SEC63: variants seen among roughly 807,000 people sequenced by gnomAD.
SEC63 encodes SEC63 protein translocation regulator.
A neutral mutation model predicts 116.2 loss-of-function variants in SEC63; 56 were observed. The ratio of observed to expected loss-of-function variants is 0.48; its 90% CI spans 0.39 to 0.60. The LOEUF is 0.60. SEC63 is among the 20% of genes least tolerant of loss of function. The pLI, the probability that SEC63 is intolerant of heterozygous loss-of-function variation, is 0.00. For missense variants in SEC63, 668 were observed against 900.0 expected (o/e 0.74, Z 3.30); for synonymous variants, 273 against 294.6 (o/e 0.93, Z 0.75).
At chr6:107,933,162 C>G (rs977282834) in intron 1 of SEC63, among the ~76,000 whole-genome samples, 1 of 151,852 alleles carries the variant, frequency 6.6e-6, no homozygotes, top group African/African-American at 2.4e-5. Flanking sequence ...GGAAGGGCCA[C>G]AAGCTAAAAA....
rs371469040 is a variant in SEC63, at chr6:107,935,762, C to G, written c.125-6248G>C. ...TATGACCCTGCCAACTCCCCCTCTG[C>G]GAGAAACACCCAAGAATGATCAATT... On this transcript the variant is annotated intron_variant, in intron 1 of 20. Transcript: ENST00000369002. Among the ~76,000 whole-genome samples, 622 of 150,816 alleles carry G rather than the reference C, an allele frequency of 4.1e-3. 3 individuals carry two copies. Among genetic ancestry groups the G allele is most frequent in the African/African-American group, 0.014 (583 of 40,960 alleles).
At chr6:107,938,818 G>C (rs1421129922) in intron 1 of SEC63, among the ~76,000 whole-genome samples, 1 of 152,136 alleles carries the variant, frequency 6.6e-6, no homozygotes, top group Non-Finnish European at 1.5e-5. Context: ...GCCTCCCAAA[G>C]TGCTGGGATT....
chr6:107,908,206 A>AT (rs1341320156), intron 8 of SEC63, among the ~76,000 whole-genome samples: 5 of 151,406 alleles, frequency 3.3e-5, no homozygotes, highest in East Asian at 1.9e-4. Context: ...CTTTTATTTT[A>AT]TTTTTTTTTA....
intron 1 of SEC63, among the ~76,000 whole-genome samples, chr6:107,941,602 T>C (rs996602919): frequency 3.9e-5 from 6 of 152,122 alleles, no homozygotes; most frequent in African/African-American, 1.2e-4. Flanking sequence ...ATTAATACCA[T>C]TGTAGTATCC....
intron 2 of SEC63, among the ~76,000 whole-genome samples, chr6:107,929,018 A>C (rs1216957783): frequency 6.6e-6 from 1 of 152,250 alleles, no homozygotes; most frequent in Non-Finnish European, 1.5e-5. Context: ...ATAAAGCCCT[A>C]GCACAGATTC....
intron 18 of SEC63, among the ~76,000 whole-genome samples, chr6:107,878,411 T>C (rs1034646527): frequency 3.9e-5 from 6 of 152,258 alleles, no homozygotes; most frequent in Admixed American, 3.9e-4. Context: ...TAAGTCATTT[T>C]GACATTTGTC....
At chr6:107,953,731 T>C (rs1215467229) in intron 1 of SEC63, among the ~76,000 whole-genome samples, 36 of 130,380 alleles carry the variant, frequency 2.8e-4, no homozygotes, top group Admixed American at 8.3e-4. Flanking sequence ...AGCCGCCCTG[T>C]CCGGGAGGGA....
chr6:107,894,733 A>C (rs1451284164), intron 14 of SEC63, among the ~76,000 whole-genome samples: 1 of 152,078 alleles, frequency 6.6e-6, no homozygotes, highest in Non-Finnish European at 1.5e-5. Flanking sequence ...AAAACAGCCT[A>C]ATTCAGGAGT....
chr6:107,907,402 T>C (rs913590723), intron 8 of SEC63, among the ~76,000 whole-genome samples: 17 of 151,662 alleles, frequency 1.1e-4, no homozygotes, highest in Non-Finnish European at 1.5e-5. Context: ...GCCAAAATGG[T>C]GAAACCCCAT....
rs1193454219 is a variant in SEC63 at position 107,957,886 on chromosome 6, C to T, written c.124G>A (p.Glu42Lys). ...YYLWPRDQNAEQIRLKNIRKV... is the reference protein window; with the variant it reads ...YYLWPRDQNAKQIRLKNIRKV... ...GCGGGCAAAGGCCGGCGGGACTCAC[C>T]GGCATTCTGATCTCGGGGCCAGAGG... is the stretch of plus-strand genomic sequence containing the variant. The change falls in exon 1 of 21, where the codon GAG becomes AAG. Residue 42 changes from glutamate (E) to lysine (K), a missense_variant and splice_region_variant. Coordinates refer to ENST00000369002, the MANE Select transcript of SEC63 (RefSeq NM_007214.5). 1 of 1,611,412 alleles carries T rather than the reference C, an allele frequency of 6.2e-7. No individual in the cohort carries two copies. Among genetic ancestry groups the T allele is most frequent in the South Asian group, 1.1e-5 (1 of 91,010 alleles).
Position 107,957,912 on chromosome 6 carries a change from T to C in SEC63, c.98A>G (p.Tyr33Cys), listed in dbSNP as rs373652093. Reference sequence around the variant, plus strand: ...GGCATTCTGATCTCGGGGCCAGAGGTAGTATGTCGCCGGGATCACGATGAG... The same window carrying C: ...GGCATTCTGATCTCGGGGCCAGAGGCAGTATGTCGCCGGGATCACGATGAG... ...VGLIVIPATY[Y>C]LWPRDQNAEQ... Residue 33 changes from tyrosine (Y) to cysteine (C), a missense_variant, in exon 1 of 21, where the codon TAC becomes TGC. This residue lies in a region of SEC63 where 142 missense variants were observed against 169.5 expected (regional missense o/e 0.84). Coordinates refer to ENST00000369002, the MANE Select transcript of SEC63 (RefSeq NM_007214.5). The C allele has an allele frequency of 5.0e-6, 8 of 1,611,718 alleles. No homozygotes were observed. Among genetic ancestry groups the C allele is most frequent in the Admixed American group, 1.7e-5 (1 of 59,882 alleles).
At chr6:107,919,203 GCC>G (rs755180857) in intron 4 of SEC63, among the ~76,000 whole-genome samples, 77 of 152,182 alleles carry the variant, frequency 5.1e-4, no homozygotes, top group Non-Finnish European at 8.7e-4. Flanking sequence ...GAGCTACCGC[GCC>G]TGGCCAGAAG....
Position 107,924,867 on chromosome 6 carries a change from T to C in SEC63, c.290A>G (p.Asp97Gly). ...LFLAYKVSKT[D>G]REYQEYNPYE... The stretch of plus-strand genomic sequence containing the variant: ...AGGATTGTATTCTTGGTATTCTCGG[T>C]CTGTTTTGGAAACTTTATATGCAAG... Residue 97 changes from aspartate to glycine, a missense_variant, in exon 3 of 21, where the codon GAC becomes GGC. Asp to Gly is a moderately conservative substitution (Grantham distance 94, BLOSUM62 -1). Coordinates refer to ENST00000369002, the MANE Select transcript of SEC63 (RefSeq NM_007214.5). The C allele has an allele frequency of 2.5e-6, 4 of 1,602,800 alleles. No individual in the cohort carries two copies. The highest frequency in any genetic ancestry group is 3.4e-6 in the Non-Finnish European group (4 of 1,169,854).
intron 1 of SEC63, among the ~76,000 whole-genome samples, chr6:107,938,973 A>G (rs1219541034): frequency 4.6e-5 from 7 of 152,340 alleles, no homozygotes; most frequent in Non-Finnish European, 4.4e-5. Flanking sequence ...TATTCAAGTC[A>G]TCATAAAAGT....
rs672444 is a variant in SEC63, at chr6:107,869,999, C to T, written c.*1705G>A. 0.98 allele frequency: 148,758 copies of T among 152,282 alleles called. 72,696 individuals carry two copies. Among genetic ancestry groups the T allele is most frequent in the African/African-American group, 0.99 (41,289 of 41,498 alleles). The allele number at this position is 152,282 out of a possible 1,614,324, so 9.4% of individuals were successfully genotyped here. A position where few individuals can be genotyped will look rare whatever the true frequency, so the allele number is the denominator to read the frequency against. ...CTTGTCTGCTCAGTTTCCTTGCCTT[C>T]GTGCCACACCTGTTTTCTCTAATCC... On this transcript the variant is annotated 3_prime_UTR_variant, in exon 21 of 21. Coordinates refer to ENST00000369002, the MANE Select transcript of SEC63 (RefSeq NM_007214.5).
At position 107,884,960 on chromosome 6, in the gene SEC63, T is replaced by C. The variant is rs193267087; in HGVS notation, c.1675-1814A>G. ...AAAAAAAACCTTTAATGAAATTCAC[T>C]ATCTGCTAGTGATAAAAATTGTCAG... On this transcript the variant is annotated intron_variant, in intron 16 of 20. Transcript: ENST00000369002. Among the ~76,000 whole-genome samples, 4 of 151,366 alleles carry C rather than the reference T, an allele frequency of 2.6e-5. No homozygotes were observed. The East Asian group carries it at 7.7e-4, about 29-fold the overall frequency.
Position 107,869,451 on chromosome 6 carries a change from G to A in SEC63, c.*2253C>T, listed in dbSNP as rs1209775277. 1 of 152,060 alleles carries A rather than the reference G, an allele frequency of 6.6e-6. No homozygotes were observed. The highest frequency in any genetic ancestry group is 1.9e-4 in the East Asian group (1 of 5,192). The allele number at this position is 152,060 out of a possible 1,614,324, so 9.4% of individuals were successfully genotyped here. A position where few individuals can be genotyped will look rare whatever the true frequency, so the allele number is the denominator to read the frequency against. On this transcript the variant is annotated 3_prime_UTR_variant, in exon 21 of 21. Coordinates refer to ENST00000369002, the MANE Select transcript of SEC63 (RefSeq NM_007214.5). The stretch of plus-strand genomic sequence containing the variant: ...TTCCTATACACTGTATGATCTATAG[G>A]CTCATCAATTGTTGACAAAATGTCA...
chr6:107,955,231 G>A (rs1434874280), intron 1 of SEC63, among the ~76,000 whole-genome samples: 3 of 152,052 alleles, frequency 2.0e-5, no homozygotes, highest in African/African-American at 7.2e-5. Flanking sequence ...GCACGATCTC[G>A]GCTCATTGCA....
At chr6:107,932,125 A>T in intron 1 of SEC63, 1 of 179,914 alleles carries the variant, frequency 5.6e-6, no homozygotes, top group Non-Finnish European at 1.1e-5. Context: ...GCTGTGAAGA[A>T]GCTCTATGAC....
Sources: allele counts gnomAD v4.1 joint callset (sites outside exome capture counted in the v4.1 genomes callset), GRCh38; gene constraint gnomAD v4.1.1; regional missense constraint gnomAD v4.1.1; transcripts MANE v1.5; gene names NCBI Gene and HGNC (gene_info 2026-07-23, HGNC 2026-07-21).